Variants in FAM3A observed in about 807,000 individuals in gnomAD.
The protein encoded by FAM3A is protein FAM3A.
Under a neutral mutation model 18.1 loss-of-function variants are expected in FAM3A, and 5 were observed. The observed-to-expected ratio is 0.28, with a 90% CI of 0.14 to 0.58. The LOEUF is 0.58. Ranked by LOEUF, FAM3A falls within the 20% of genes least tolerant of loss-of-function variation. The pLI is 0.91. For synonymous variants in FAM3A, 108 were observed against 90.2 expected, an observed-to-expected ratio of 1.20 and a Z score of -1.12; for missense variants, 154 against 216.6, an observed-to-expected ratio of 0.71 and a Z score of 1.81.
At position 154,506,446 on chromosome X, in the gene FAM3A, G is replaced by A; in HGVS notation, c.*365C>T. ...GGAAGACGCCCCAACCTGCCGGGCT[G>A]CTCCCAGAGATGCACAGTGAGGGGC... On this transcript the variant is annotated 3_prime_UTR_variant, in exon 9 of 9. Transcript: ENST00000447601. 1 of 217,772 alleles carries A rather than the reference G, an allele frequency of 4.6e-6. No individual in the cohort carries two copies. Among genetic ancestry groups the A allele is most frequent in the Non-Finnish European group, 8.6e-6 (1 of 116,415 alleles). The allele number at this position is 217,772 out of a possible 1,213,427, so 17.9% of individuals were successfully genotyped here.
chrX:154,513,647 A>C (rs1419248029), intron 1 of FAM3A, among the ~76,000 whole-genome samples: 1 of 109,176 alleles, frequency 9.2e-6, no homozygotes, highest in African/African-American at 3.3e-5. Flanking sequence ...AACAAAAACA[A>C]AACAAAACAA....
At position 154,511,855 on chromosome X, in the gene FAM3A, C is replaced by T. The variant is rs2069891825; in HGVS notation, c.144G>A (p.Val48=). Residue 48 remains valine (V), a synonymous_variant, in exon 3 of 9, where the codon GTG becomes GTA. Transcript: ENST00000447601. The stretch of plus-strand genomic sequence containing the variant: ...AGGTGACAGGGGCCTTACCTGCAGT[C>T]ACCGAGCTCTCTGGACCTGTGGATA... ...QQLFTSPESS[V]TAAPRARKYK... The T allele has an allele frequency of 2.5e-6, 3 of 1,210,275 alleles. No individual in the cohort carries two copies. Among genetic ancestry groups the T allele is most frequent in the Admixed American group, 2.2e-5 (1 of 45,944 alleles).
intron 3 of FAM3A, 79 bp downstream of exon 3, chrX:154,511,769 G>A: frequency 9.9e-7 from 1 of 1,007,297 alleles, no homozygotes; most frequent in Non-Finnish European, 1.4e-6. Context: ...GGAATAAATG[G>A]AAAACCGAAG....
At chrX:154,515,572 G>A (rs2070153088) in intron 1 of FAM3A, among the ~76,000 whole-genome samples, 188 bp downstream of exon 1, 2 of 112,324 alleles carry the variant, frequency 1.8e-5, no homozygotes, top group Admixed American at 1.9e-4. Context: ...ATAGCTCGGG[G>A]AGCTGACGTC....
intron 3 of FAM3A, chrX:154,510,359 A>G (rs1180562208): frequency 9.1e-6 from 1 of 109,457 alleles, no homozygotes; most frequent in African/African-American, 3.3e-5. Context: ...CAAAAAATAA[A>G]TAATAAAAAA....
chrX:154,511,733 G>A (rs1348589953), intron 3 of FAM3A, 115 bp downstream of exon 3: 8 of 705,290 alleles, frequency 1.1e-5, no homozygotes, highest in East Asian at 9.7e-5. Context: ...AGCAGCCCCC[G>A]TGGACCACCA....
rs2069715006 is a variant in FAM3A at position 154,508,874 on chromosome X, G to C, written c.152-277C>G. 3 of 444,577 alleles carry C rather than the reference G, an allele frequency of 6.7e-6. No homozygotes were observed. In the South Asian group the frequency reaches 8.0e-5, roughly 12 times the overall value. The allele number at this position is 444,577 out of a possible 1,213,427, so 36.6% of individuals were successfully genotyped here. A position where few individuals can be genotyped will look rare whatever the true frequency, so the allele number is the denominator to read the frequency against. ...GGGCCACTGCACAGCCAGGAACAAA[G>C]CAGGGGTGAAGTAAGTCAGGCTGGG... On this transcript the variant is annotated intron_variant, in intron 3 of 8. Transcript: ENST00000447601.
At chrX:154,511,942 T>C in intron 2 of FAM3A, 71 bp from the exon 3 acceptor site, 1 of 1,005,535 alleles carries the variant, frequency 9.9e-7, no homozygotes, top group Non-Finnish European at 1.4e-6. Context: ...CTGGCCCTCC[T>C]TACACCGCGA....
intron 3 of FAM3A, chrX:154,510,999 C>T (rs1557222361): frequency 9.0e-6 from 1 of 110,943 alleles, no homozygotes; most frequent in African/African-American, 3.3e-5. Flanking sequence ...GTGCTGGGTG[C>T]TGAACTTGGA....
chrX:154,507,949 C>G, intron 5 of FAM3A, 88 bp from the exon 6 acceptor site: 2 of 790,769 alleles, frequency 2.5e-6, no homozygotes, highest in South Asian at 5.1e-5. Flanking sequence ...GGGGGCAGCC[C>G]TTCTGGAAGC....
intron 3 of FAM3A, 89 bp from the exon 4 acceptor site, chrX:154,508,686 G>C (rs782014034): frequency 6.4e-5 from 68 of 1,058,751 alleles, no homozygotes; most frequent in Non-Finnish European, 7.7e-5. Flanking sequence ...ACACATGGTA[G>C]AACAAGTGAC....
chrX:154,509,000 T>C (rs1447517787), intron 3 of FAM3A: 3 of 270,761 alleles, frequency 1.1e-5, no homozygotes, highest in Non-Finnish European at 2.1e-5. Context: ...TGGGGGTTGG[T>C]TGGGAGGACT....
At chrX:154,514,271 C>T (rs1442748708) in intron 1 of FAM3A, among the ~76,000 whole-genome samples, 1 of 111,922 alleles carries the variant, frequency 8.9e-6, no homozygotes, top group African/African-American at 3.2e-5. Context: ...GAGACGGAGT[C>T]TTGCTCTTGC....
intron 1 of FAM3A, among the ~76,000 whole-genome samples, chrX:154,515,412 C>G (rs1392672459): frequency 1.8e-5 from 2 of 111,608 alleles, no homozygotes; most frequent in Non-Finnish European, 3.8e-5. Flanking sequence ...GGGTTCATGT[C>G]GAAGCCCACA....
At chrX:154,507,729 G>C (rs2069630853) in intron 6 of FAM3A, 82 bp downstream of exon 6, 1 of 980,869 alleles carries the variant, frequency 1.0e-6, no homozygotes, top group Non-Finnish European at 1.4e-6. Context: ...TCCAAGTACA[G>C]ACAGAGAGAG....
intron 8 of FAM3A, 35 bp from the exon 9 acceptor site, chrX:154,506,941 C>T (rs369690354): frequency 4.3e-4 from 481 of 1,128,679 alleles, no homozygotes; most frequent in Non-Finnish European, 5.5e-4. Context: ...ATGACTTTGG[C>T]CCTCAGGGAC....
In FAM3A at chrX:154,515,808, G is replaced by C; in HGVS notation, c.-36C>G. On this transcript the variant is annotated 5_prime_UTR_variant, in exon 1 of 9. Coordinates refer to ENST00000447601, the MANE Select transcript of FAM3A (RefSeq NM_021806.4). The stretch of plus-strand genomic sequence containing the variant: ...CCTGCTGGGTTGGGACCGCCGGCAA[G>C]TGCACTGTTTGGGGGCAAAGCGGAA... 5.8e-6 allele frequency: 7 copies of C among 1,209,632 alleles called. No homozygotes were observed. The highest frequency in any genetic ancestry group is 7.8e-6 in the Non-Finnish European group (7 of 893,557).
In FAM3A at chrX:154,507,555, G is replaced by A. The variant is rs1431806772; in HGVS notation, c.386-65C>T. ...CCACTGAGCACCCTCCCACAAGCCC[G>A]TTCTCCAAACAAGGAAACAGAAGTA... On this transcript the variant is annotated intron_variant, in intron 6 of 8. Transcript: ENST00000447601. The A allele has an allele frequency of 8.6e-5, 92 of 1,076,004 alleles. No homozygotes were observed. The East Asian group carries it at 1.7e-3, about 20-fold the overall frequency. 88.7% of individuals were successfully genotyped at this position (1,076,004 alleles called of 1,213,427 possible).
At position 154,507,290 on chromosome X, in the gene FAM3A, G is replaced by T. The variant is rs782267591; in HGVS notation, c.510C>A (p.Gly170=). The T allele has an allele frequency of 5.8e-6, 7 of 1,211,794 alleles. No homozygotes were observed. The highest frequency in any genetic ancestry group is 7.8e-6 in the Non-Finnish European group (7 of 895,403). The part of the protein sequence containing the change: ...EETRKLFSEL[G]SRNAKELAFR... ...AGGCCAGCTCCTTGGCGTTCCTGCT[G>T]CCCAGCTCACTGAAGAGCTTTCTGG... The change falls in exon 8 of 9, where the codon GGC becomes GGA. Residue 170 remains glycine, a synonymous_variant. Transcript: ENST00000447601.
Sources: gnomAD v4.1 joint callset for allele counts (sites outside exome capture counted in the v4.1 genomes callset) on GRCh38, gnomAD v4.1.1 for gene constraint, MANE v1.5 for transcripts, NCBI Gene and HGNC (gene_info 2026-07-23, HGNC 2026-07-21) for gene names.